The following ANKS1B variants were observed in gnomAD, a reference collection of about 807,000 sequenced individuals.
The protein encoded by ANKS1B is ankyrin repeat and sterile alpha motif domain containing 1B, also known as ankyrin repeat and sterile alpha motif domain-containing protein 1B.
ANKS1B carries 36 observed loss-of-function variants against 148.3 expected under a neutral mutation model. The observed-to-expected ratio is 0.24, with a 90% CI of 0.19 to 0.32. ANKS1B has a LOEUF of 0.32. ANKS1B is among the 10% of genes least tolerant of loss of function. ANKS1B has a pLI of 1.00. For missense variants in ANKS1B, 1,157 were observed against 1,542.6 expected (o/e 0.75, Z 4.19); for synonymous variants, 542 against 560.8 (o/e 0.97, Z 0.47).
In ANKS1B at chr12:99,696,235, G is replaced by A. The variant is rs376481683; in HGVS notation, c.1129-41025C>T. On this transcript the variant is annotated intron_variant, in intron 8 of 26. Transcript: ENST00000683438. ...TTGGAAAAACTCCAAATGTCATTAG[G>A]AAGATACCTATAAGATGATGTAGAG... Among the ~76,000 whole-genome samples the A allele has an allele frequency of 1.8e-4, 28 of 152,140 alleles. No homozygotes were observed. In the East Asian group the frequency reaches 5.2e-3, roughly 28 times the overall value.
At chr12:99,950,226 C>A (rs1308999754) in intron 1 of ANKS1B, among the ~76,000 whole-genome samples, 3 of 148,740 alleles carry the variant, frequency 2.0e-5, no homozygotes, top group African/African-American at 7.5e-5. Context: ...TCCCAAAGTG[C>A]TGAGATTACA....
At chr12:98,958,980 T>C (rs1323789544) in intron 17 of ANKS1B, among the ~76,000 whole-genome samples, 1 of 152,204 alleles carries the variant, frequency 6.6e-6, no homozygotes, top group African/African-American at 2.4e-5. Flanking sequence ...TATAACAGCT[T>C]AATGGCTCCT....
At chr12:99,224,393 T>TG (rs1228974277) in intron 14 of ANKS1B, among the ~76,000 whole-genome samples, 2 of 152,124 alleles carry the variant, frequency 1.3e-5, no homozygotes, top group Non-Finnish European at 2.9e-5. Context: ...GACTGGATCA[T>TG]GGGGGGTGGT....
chr12:98,851,813 C>G (rs1479676168), intron 17 of ANKS1B, among the ~76,000 whole-genome samples: 1 of 151,880 alleles, frequency 6.6e-6, no homozygotes, highest in African/African-American at 2.4e-5. Context: ...ATCACGAGGT[C>G]AAGAGATCGA....
intron 14 of ANKS1B, among the ~76,000 whole-genome samples, chr12:99,214,999 G>C (rs2083936525): frequency 6.6e-6 from 1 of 152,158 alleles, no homozygotes; most frequent in South Asian, 2.1e-4. Context: ...AAAGGATTAG[G>C]GTACCTGGTG....
rs2093175899 is a variant in ANKS1B at position 99,372,257 on chromosome 12, C to A, written c.1756+27374G>T. 2.0e-5 allele frequency among the ~76,000 whole-genome samples: 3 copies of A among 151,752 alleles called. No homozygotes were observed. In the South Asian group the frequency reaches 6.2e-4, roughly 32 times the overall value. The stretch of plus-strand genomic sequence containing the variant: ...AGGGAAATATGGGAAATCTCTGTAC[C>A]TTCCACTCAATTTTGCTGTGAACCT... On this transcript the variant is annotated intron_variant, in intron 12 of 26. Coordinates refer to ENST00000683438, the MANE Select transcript of ANKS1B (RefSeq NM_001352186.2).
intron 8 of ANKS1B, among the ~76,000 whole-genome samples, chr12:99,710,913 A>G (rs1256714692): frequency 6.6e-6 from 1 of 152,042 alleles, no homozygotes; most frequent in East Asian, 1.9e-4. Context: ...TTCCATTATA[A>G]TTCAGTTTGC....
At chr12:99,845,893 GA>G (rs1327465566) in intron 1 of ANKS1B, among the ~76,000 whole-genome samples, 1 of 152,014 alleles carries the variant, frequency 6.6e-6, no homozygotes, top group African/African-American at 2.4e-5. Context: ...CTCAATTTCA[GA>G]ACAATATTGG....
At chr12:99,648,029 C>A in intron 9 of ANKS1B, 1 of 1,126,646 alleles carries the variant, frequency 8.9e-7, no homozygotes, top group Non-Finnish European at 1.2e-6. Flanking sequence ...TCCCTGTTCT[C>A]AGTCACTTGG....
At chr12:99,611,501 C>T (rs996626849) in intron 9 of ANKS1B, among the ~76,000 whole-genome samples, 5 of 152,062 alleles carry the variant, frequency 3.3e-5, no homozygotes, top group African/African-American at 1.2e-4. Flanking sequence ...CTGTAAGTGC[C>T]TCCCTGTTTA....
At chr12:99,912,317 T>C (rs958463789) in intron 1 of ANKS1B, among the ~76,000 whole-genome samples, 4 of 152,010 alleles carry the variant, frequency 2.6e-5, no homozygotes, top group Admixed American at 6.6e-5. Context: ...TTTGCTTACA[T>C]AGGAACCCAA....
intron 11 of ANKS1B, among the ~76,000 whole-genome samples, chr12:99,439,116 T>G (rs368691078): frequency 6.6e-6 from 1 of 151,698 alleles, no homozygotes; most frequent in African/African-American, 2.4e-5. Flanking sequence ...AATAACAATT[T>G]TTTTCCTTGT....
chr12:99,088,832 A>G (rs1387471018), intron 15 of ANKS1B, among the ~76,000 whole-genome samples: 1 of 110,342 alleles, frequency 9.1e-6, no homozygotes, highest in African/African-American at 3.5e-5. Context: ...TCTCAGTTTA[A>G]CTTCTGTTTT....
rs573917245 is a variant in ANKS1B at position 98,767,217 on chromosome 12, C to T, written c.3579+5825G>A. Among the ~76,000 whole-genome samples the T allele has an allele frequency of 7.2e-5, 11 of 152,290 alleles. No homozygotes were observed. In the South Asian group the frequency reaches 1.5e-3, roughly 20 times the overall value. The stretch of plus-strand genomic sequence containing the variant: ...GTGTAGGTATCACTGATCACGACCA[C>T]GTGGTTGATGCTAGTGTTTTTCTTG... On this transcript the variant is annotated intron_variant, in intron 25 of 26. Transcript: ENST00000683438.
intron 17 of ANKS1B, among the ~76,000 whole-genome samples, chr12:98,946,054 T>C (rs1353433717): frequency 6.6e-6 from 1 of 152,218 alleles, no homozygotes; most frequent in Admixed American, 6.5e-5. Flanking sequence ...ATTGTGGTTT[T>C]TCCATCCCTA....
chr12:98,863,325 C>T (rs951566574), intron 17 of ANKS1B, among the ~76,000 whole-genome samples: 7 of 152,228 alleles, frequency 4.6e-5, no homozygotes, highest in African/African-American at 1.4e-4. Context: ...GCTTCTATGA[C>T]CTCTGCTGCT....
intron 25 of ANKS1B, among the ~76,000 whole-genome samples, chr12:98,757,933 T>A (rs1287451925): frequency 3.7e-5 from 5 of 133,844 alleles, no homozygotes; most frequent in Non-Finnish European, 8.0e-5. Context: ...TGTGCATGTG[T>A]GCACGTGTGT....
chr12:99,877,134 G>T (rs1426036103), intron 1 of ANKS1B, among the ~76,000 whole-genome samples: 4 of 152,044 alleles, frequency 2.6e-5, no homozygotes, highest in African/African-American at 4.8e-5. Context: ...ACATAATGTG[G>T]GGTGATATCC....
At chr12:99,435,792 C>A (rs1280333173) in intron 11 of ANKS1B, among the ~76,000 whole-genome samples, 1 of 151,978 alleles carries the variant, frequency 6.6e-6, no homozygotes, top group Non-Finnish European at 1.5e-5. Context: ...CCACCCATAG[C>A]CTATCCAAGA....
Sources: gnomAD v4.1 joint callset for allele counts (sites outside exome capture counted in the v4.1 genomes callset) on GRCh38, gnomAD v4.1.1 for gene constraint, MANE v1.5 for transcripts, NCBI Gene and HGNC (gene_info 2026-07-23, HGNC 2026-07-21) for gene names.